The following SLC8A1 variants were observed in gnomAD, a reference collection of about 807,000 sequenced individuals.
SLC8A1 encodes sodium/calcium exchanger 1.
In SLC8A1, 18 loss-of-function variants were observed where a neutral mutation model predicts 68.3. The ratio of observed to expected loss-of-function variants is 0.26; its 90% CI spans 0.18 to 0.39. SLC8A1 has a LOEUF of 0.39. Among genes scored for constraint, SLC8A1 ranks in the 10% least tolerant of loss-of-function variants. The pLI is 1.00. For missense variants in SLC8A1, 985 were observed against 1,156.7 expected, an observed-to-expected ratio of 0.85 and a Z score of 2.15; for synonymous variants, 475 against 415.5, an observed-to-expected ratio of 1.14 and a Z score of -1.74.
At chr2:40,098,476 G>C (rs111559145) in exon 8 of SLC8A1, 1 of 151,950 alleles carries the variant, frequency 6.6e-6, no homozygotes, top group Non-Finnish European at 1.5e-5. Context: ...ACATGGAATG[G>C]TTAGGTAGGT....
rs1471232741 is a variant in SLC8A1, at chr2:40,474,766, G to T, written c.-25+37583C>A. Among the ~76,000 whole-genome samples, 5 of 152,170 alleles carry T rather than the reference G, an allele frequency of 3.3e-5. No individual in the cohort carries two copies. In the East Asian group the frequency reaches 9.6e-4, roughly 29 times the overall value. The stretch of plus-strand genomic sequence containing the variant: ...AATATTGAGTAAATCCAGGCAGTTT[G>T]GTTTGGGAGCTTGTGCTCATGGCTA... On this transcript the variant is annotated intron_variant, in intron 1 of 7. Coordinates refer to the SLC8A1 transcript ENST00000402441.
intron 2 of SLC8A1, among the ~76,000 whole-genome samples, chr2:40,368,050 C>T (rs1054943062): frequency 6.6e-6 from 1 of 152,098 alleles, no homozygotes; most frequent in Non-Finnish European, 1.5e-5. Context: ...CTATCATGCA[C>T]ATTTACATAT....
intron 2 of SLC8A1, among the ~76,000 whole-genome samples, chr2:40,256,753 C>T (rs1241641219): frequency 2.0e-5 from 3 of 152,142 alleles, no homozygotes; most frequent in Non-Finnish European, 4.4e-5. Flanking sequence ...GGGCTTTCCC[C>T]AGAACACACT....
intron 2 of SLC8A1, among the ~76,000 whole-genome samples, chr2:40,382,371 G>A (rs1559464978): frequency 6.8e-6 from 1 of 146,296 alleles, no homozygotes; most frequent in Non-Finnish European, 1.5e-5. Context: ...CCAGATGGTA[G>A]AACTGCACAT....
chr2:40,407,757 A>G (rs1251194545), intron 2 of SLC8A1, among the ~76,000 whole-genome samples: 2 of 152,214 alleles, frequency 1.3e-5, no homozygotes, highest in African/African-American at 2.4e-5. Flanking sequence ...TTCAGTGAAT[A>G]TATTTTAAAT....
chr2:40,252,482 G>A lies in SLC8A1; in HGVS notation c.1809-74627C>T, dbSNP rs1015229861. Among the ~76,000 whole-genome samples the A allele has an allele frequency of 4.6e-5, 7 of 152,076 alleles. No individual in the cohort carries two copies. The East Asian group carries it at 5.8e-4, about 13-fold the overall frequency. ...CAAGTAACTGGGATGACAGGCGCCCGCCACCAAGCCCAACTAATTTTTTGT... is the reference window on the plus strand; with the variant it reads ...CAAGTAACTGGGATGACAGGCGCCCACCACCAAGCCCAACTAATTTTTTGT... On this transcript the variant is annotated intron_variant, in intron 2 of 7. Coordinates refer to ENST00000406785, the Ensembl canonical transcript of SLC8A1.
At position 40,132,181 on chromosome 2, in the gene SLC8A1, A is replaced by G. The variant is rs547441822; in HGVS notation, c.2437+7220T>C. The stretch of plus-strand genomic sequence containing the variant: ...GTTTGTGAGGCATATGGAAAAGAGC[A>G]TATGCAATACTTTAAAAATAAGTCC... On this transcript the variant is annotated intron_variant, in intron 7 of 7. Transcript: ENST00000406785. Among the ~76,000 whole-genome samples the G allele has an allele frequency of 3.9e-5, 6 of 152,278 alleles. No homozygotes were observed. The South Asian group carries it at 1.2e-3, about 32-fold the overall frequency.
chr2:40,295,097 C>T (rs2070100689), intron 2 of SLC8A1, among the ~76,000 whole-genome samples: 1 of 151,018 alleles, frequency 6.6e-6, no homozygotes, highest in Admixed American at 6.6e-5. Context: ...ATTTAAGAAA[C>T]AATTATTATT....
At chr2:40,290,271 G>A (rs2069066759) in intron 2 of SLC8A1, among the ~76,000 whole-genome samples, 1 of 150,738 alleles carries the variant, frequency 6.6e-6, no homozygotes, top group Non-Finnish European at 1.5e-5. Context: ...AAAAAAAAAA[G>A]GTTTCTTTGT....
intron 2 of SLC8A1, 49 bp downstream of exon 2, chr2:40,428,424 C>A (rs1697428204): frequency 1.1e-4 from 1 of 9,018 alleles, no homozygotes; most frequent in Non-Finnish European, 7.4e-4. Context: ...CACACTGAAC[C>A]ACACACACAC....
intron 2 of SLC8A1, among the ~76,000 whole-genome samples, chr2:40,179,961 A>G (rs1400396801): frequency 1.3e-5 from 2 of 152,182 alleles, no homozygotes; most frequent in Non-Finnish European, 2.9e-5. Context: ...TCTGTTCCTC[A>G]GCTAAAGAAC....
At chr2:40,128,588 G>A (rs1423751071) in intron 7 of SLC8A1, among the ~76,000 whole-genome samples, 2 of 152,148 alleles carry the variant, frequency 1.3e-5, no homozygotes, top group African/African-American at 4.8e-5. Flanking sequence ...TTTGGCATTT[G>A]TCTATCATTA....
exon 8 of SLC8A1, chr2:40,098,153 A>C (rs1328006684): frequency 6.6e-6 from 1 of 152,048 alleles, no homozygotes; most frequent in Non-Finnish European, 1.5e-5. Context: ...GGAAACTATG[A>C]ATCTCTGGCT....
chr2:40,252,155 T>TTATTCATATA (rs992636317), intron 2 of SLC8A1, among the ~76,000 whole-genome samples: 1 of 152,206 alleles, frequency 6.6e-6, no homozygotes, highest in Non-Finnish European at 1.5e-5. Flanking sequence ...TTGTATGAAT[T>TTATTCATATA]TATTCATATA....
chr2:40,318,309 G>A (rs2074740786), intron 2 of SLC8A1, among the ~76,000 whole-genome samples: 1 of 152,036 alleles, frequency 6.6e-6, no homozygotes, highest in Admixed American at 6.6e-5. Context: ...GAAAGAGGCT[G>A]GGCATCTGTC....
At chr2:40,239,803 T>G (rs967875672) in intron 2 of SLC8A1, among the ~76,000 whole-genome samples, 1 of 152,244 alleles carries the variant, frequency 6.6e-6, no homozygotes, top group Non-Finnish European at 1.5e-5. Flanking sequence ...TGAAGTACAA[T>G]TTGCTTAATG....
At chr2:40,388,244 T>C (rs79240772) in intron 2 of SLC8A1, among the ~76,000 whole-genome samples, 4,133 of 152,260 alleles carry the variant, frequency 0.027, 84 homozygotes, top group Non-Finnish European at 0.04. Flanking sequence ...CTTGAATTGC[T>C]ACAAAATATA....
chr2:40,184,516 A>G (rs1214269862), intron 2 of SLC8A1, among the ~76,000 whole-genome samples: 1 of 152,216 alleles, frequency 6.6e-6, no homozygotes, highest in Non-Finnish European at 1.5e-5. Flanking sequence ...TTCAGGCATC[A>G]GCGTTTACAC....
chr2:40,484,373 A>G (rs1022317659), intron 1 of SLC8A1, among the ~76,000 whole-genome samples: 1 of 152,170 alleles, frequency 6.6e-6, no homozygotes, highest in Non-Finnish European at 1.5e-5. Flanking sequence ...TCTGTGATGG[A>G]TGTGATCTGA....
Sources: gnomAD v4.1 joint callset for allele counts (sites outside exome capture counted in the v4.1 genomes callset) on GRCh38, gnomAD v4.1.1 for gene constraint, MANE v1.5 for transcripts, NCBI Gene and HGNC (gene_info 2026-07-23, HGNC 2026-07-21) for gene names.